WFIKKN1: variants seen among roughly 807,000 people sequenced by gnomAD.
The protein encoded by WFIKKN1 is WAP, Kazal, immunoglobulin, Kunitz and NTR domain-containing protein 1.
In WFIKKN1, 6 loss-of-function variants were observed where a neutral mutation model predicts 4.6. That is an observed-to-expected ratio of 1.31 (90% confidence interval 0.72 to 2.59). WFIKKN1 has a LOEUF of 2.59. WFIKKN1 is among the 30% of genes most tolerant of loss of function. WFIKKN1 has a pLI of 0.00. For synonymous variants in WFIKKN1, 468 were observed against 367.4 expected (o/e 1.27, Z -3.13); for missense variants, 964 against 818.0 (o/e 1.18, Z -2.18).
rs1458547741 is a variant in WFIKKN1, at chr16:633,405, G to A, written c.995G>A (p.Arg332His). The A allele has an allele frequency of 5.1e-6, 8 of 1,557,720 alleles. No homozygotes were observed. Among genetic ancestry groups the A allele is most frequent in the East Asian group, 2.4e-5 (1 of 42,498 alleles). Residue 332 changes from arginine (R) to histidine (H), a missense_variant, in exon 2 of 2, where the codon CGT becomes CAT. Arg to His is a conservative substitution (Grantham distance 29). Coordinates refer to ENST00000319070, the MANE Select transcript of WFIKKN1 (RefSeq NM_053284.3). ...GGCGGCTGCATGACCTTCCCGGCCC[G>A]TGGCTGTGATGGGGCGGCCCGCGGC... is the stretch of plus-strand genomic sequence containing the variant. ...QRGGCMTFPA[R>H]GCDGAARGFE...
In WFIKKN1 at chr16:633,914, G is replaced by A. The variant is rs763295932; in HGVS notation, c.1504G>A (p.Val502Ile). The change falls in exon 2 of 2, where the codon GTC (valine) becomes ATC (isoleucine). Residue 502 changes from valine to isoleucine, a missense_variant. Val to Ile is a conservative substitution (Grantham distance 29). Transcript: ENST00000319070. ...PNMTAGDGPL[V>I]IMGEVRDGVA... ...CATGACGGCGGGCGACGGGCCGCTG[G>A]TCATCATGGGTGAGGTGCGCGATGG... 2 of 1,594,494 alleles carry A rather than the reference G, an allele frequency of 1.3e-6. No homozygotes were observed. The highest frequency in any genetic ancestry group is 1.7e-6 in the Non-Finnish European group (2 of 1,171,518).
rs141905470 is a variant in WFIKKN1 at position 633,901 on chromosome 16, C to T, written c.1491C>T (p.Gly497=). The change falls in exon 2 of 2, where the codon GGC becomes GGT. Residue 497 remains glycine (G), a synonymous_variant. Coordinates refer to ENST00000319070, the MANE Select transcript of WFIKKN1 (RefSeq NM_053284.3). Reference sequence around the variant, plus strand: ...GCCCCTGCCCCAACATGACGGCGGGCGACGGGCCGCTGGTCATCATGGGTG... The same window carrying T: ...GCCCCTGCCCCAACATGACGGCGGGTGACGGGCCGCTGGTCATCATGGGTG... The part of the protein sequence containing the change: ...WACPCPNMTA[G]DGPLVIMGEV... The T allele has an allele frequency of 1.1e-3, 1,771 of 1,592,038 alleles. No homozygotes were observed. The highest frequency in any genetic ancestry group is 1.3e-3 in the Non-Finnish European group (1,494 of 1,170,264).
At position 632,954 on chromosome 16, in the gene WFIKKN1, G is replaced by A. The variant is rs372338381; in HGVS notation, c.544G>A (p.Ala182Thr). The A allele has an allele frequency of 2.2e-5, 35 of 1,562,504 alleles. No individual in the cohort carries two copies. The highest frequency in any genetic ancestry group is 9.1e-5 in the East Asian group (4 of 43,878). ...ETTARPTPGAAPVPPALYSSP... is the reference protein window; with the variant it reads ...ETTARPTPGATPVPPALYSSP... ...CACTGCCCGCCCCACACCTGGGGCC[G>A]CGCCCGTGCCTCCTGCCCTGTACAG... Residue 182 changes from alanine (A) to threonine (T), a missense_variant, in exon 2 of 2, where the codon GCG (alanine) becomes ACG (threonine). Transcript: ENST00000319070.
In WFIKKN1 at chr16:633,497, G is replaced by C. The variant is rs1298568015; in HGVS notation, c.1087G>C (p.Ala363Pro). Reference protein sequence around the residue: ...RGPGDACVLPAVQGPCRGWEP... With the variant: ...RGPGDACVLPPVQGPCRGWEP... ...CCCCGGCGACGCCTGCGTGCTGCCT[G>C]CCGTGCAGGGCCCCTGCCGGGGCTG... Residue 363 changes from alanine (A) to proline (P), a missense_variant, in exon 2 of 2, where the codon GCC (alanine) becomes CCC (proline). Transcript: ENST00000319070. The C allele has an allele frequency of 4.6e-6, 7 of 1,506,960 alleles. No homozygotes were observed. The African/African-American group carries it at 1.0e-4, about 22-fold the overall frequency. 93.3% of individuals were successfully genotyped at this position (1,506,960 alleles called of 1,614,324 possible).
At position 633,878 on chromosome 16, in the gene WFIKKN1, C is replaced by A. The variant is rs781003010; in HGVS notation, c.1468C>A (p.Pro490Thr). 11 of 1,595,914 alleles carry A rather than the reference C, an allele frequency of 6.9e-6. No homozygotes were observed. In the Admixed American group the frequency reaches 1.6e-4, roughly 23 times the overall value. The change falls in exon 2 of 2, where the codon CCC (proline) becomes ACC (threonine). Residue 490 changes from proline to threonine, a missense_variant. Transcript: ENST00000319070. ...VTLSGMDWACPCPNMTAGDGP... is the reference protein window; with the variant it reads ...VTLSGMDWACTCPNMTAGDGP... ...GCTGAGTGGCATGGACTGGGCCTGC[C>A]CCTGCCCCAACATGACGGCGGGCGA... is the stretch of plus-strand genomic sequence containing the variant.
chr16:631,739 CCTT>C (rs1183658720), intron 1 of WFIKKN1: 25,514 of 134,076 alleles, frequency 0.19, 5,308 homozygotes, highest in East Asian at 0.42. Flanking sequence ...TTCTCCCACC[CCTT>C]CACTGCCTCT....
Position 633,298 on chromosome 16 carries a change from G to A in WFIKKN1, c.888G>A (p.Pro296=), listed in dbSNP as rs755179168. The change falls in exon 2 of 2, where the codon CCG becomes CCA. Residue 296 remains proline (P), a synonymous_variant. Coordinates refer to ENST00000319070, the MANE Select transcript of WFIKKN1 (RefSeq NM_053284.3). The part of the protein sequence containing the change: ...ARDAAPSIPA[P]AECLPDVQAC... ...ACGCAGCCCCCAGCATCCCAGCCCC[G>A]GCCGAGTGCCTGCCGGATGTGCAGG... is the stretch of plus-strand genomic sequence containing the variant. The A allele has an allele frequency of 1.8e-5, 28 of 1,591,020 alleles. No individual in the cohort carries two copies. Among genetic ancestry groups the A allele is most frequent in the African/African-American group, 4.0e-5 (3 of 74,250 alleles).
Position 633,543 on chromosome 16 carries a change from G to T in WFIKKN1, c.1133G>T (p.Ser378Ile). ...GGCTGGGAGCCGCGCTGGGCCTACA[G>T]CCCGCTGCTGCAGCAGTGCCATCCC... ...CRGWEPRWAY[S>I]PLLQQCHPFV... Residue 378 changes from serine (S) to isoleucine (I), a missense_variant, in exon 2 of 2, where the codon AGC becomes ATC. By Grantham distance (142) the Ser-to-Ile change is moderately radical (BLOSUM62 -2). Transcript: ENST00000319070. 1 of 1,532,832 alleles carries T rather than the reference G, an allele frequency of 6.5e-7. No homozygotes were observed. Among genetic ancestry groups the T allele is most frequent in the Non-Finnish European group, 8.7e-7 (1 of 1,148,344 alleles). 95.0% of individuals were successfully genotyped at this position (1,532,832 alleles called of 1,614,324 possible).
At chr16:632,492 ACC>A in intron 1 of WFIKKN1, 88 bp from the exon 2 acceptor site, 1 of 1,378,370 alleles carries the variant, frequency 7.3e-7, no homozygotes, top group Non-Finnish European at 9.4e-7. Context: ...GCTCCCTGCT[ACC>A]CCACCTGGGC....
At position 633,096 on chromosome 16, in the gene WFIKKN1, TG is replaced by T. The variant is rs1567199079; in HGVS notation, c.687del (p.Ile230SerfsTer98). On this transcript the variant is annotated frameshift_variant, in exon 2 of 2. Transcript: ENST00000319070. LOFTEE classifies it low-confidence loss of function (END_TRUNC). ...WEKQSHQRENLIMRPDQMYGN... is the reference protein window; with the variant it reads ...WEKQSHQRENXIMRPDQMYGN... ...AAGCAGAGTCACCAGCGAGAGAACC[TG>T]ATCATGCGCCCTGATCAGATGTATG... The T allele has an allele frequency of 6.2e-7, 1 of 1,612,134 alleles. No homozygotes were observed. The highest frequency in any genetic ancestry group is 8.5e-7 in the Non-Finnish European group (1 of 1,179,554).
chr16:633,503 C>CA lies in WFIKKN1; in HGVS notation c.1094dup (p.Cys368LeufsTer99). 6.6e-7 allele frequency: 1 copy of CA among 1,511,278 alleles called. No homozygotes were observed. The highest frequency in any genetic ancestry group is 8.8e-7 in the Non-Finnish European group (1 of 1,139,582). 93.6% of individuals were successfully genotyped at this position (1,511,278 alleles called of 1,614,324 possible). On this transcript the variant is annotated frameshift_variant, in exon 2 of 2. Transcript: ENST00000319070. LOFTEE classifies it low-confidence loss of function (END_TRUNC). ...CGACGCCTGCGTGCTGCCTGCCGTGCAGGGCCCCTGCCGGGGCTGGGAGCC... is the reference window on the plus strand; with the variant it reads ...CGACGCCTGCGTGCTGCCTGCCGTGCAAGGGCCCCTGCCGGGGCTGGGAGCC...
chr16:633,915 T>G lies in WFIKKN1; in HGVS notation c.1505T>G (p.Val502Gly). The G allele has an allele frequency of 6.3e-7, 1 of 1,594,488 alleles. No homozygotes were observed. Among genetic ancestry groups the G allele is most frequent in the Non-Finnish European group, 8.5e-7 (1 of 1,171,506 alleles). ...ATGACGGCGGGCGACGGGCCGCTGG[T>G]CATCATGGGTGAGGTGCGCGATGGC... is the stretch of plus-strand genomic sequence containing the variant. The part of the protein sequence containing the change: ...PNMTAGDGPL[V>G]IMGEVRDGVA... Residue 502 changes from valine to glycine, a missense_variant, in exon 2 of 2, where the codon GTC becomes GGC. By Grantham distance (109) the Val-to-Gly change is moderately radical (BLOSUM62 -3). Coordinates refer to ENST00000319070, the MANE Select transcript of WFIKKN1 (RefSeq NM_053284.3).
At position 633,983 on chromosome 16, in the gene WFIKKN1, G is replaced by A. The variant is rs370746314; in HGVS notation, c.1573G>A (p.Glu525Lys). 16 of 1,602,054 alleles carry A rather than the reference G, an allele frequency of 1.0e-5. No individual in the cohort carries two copies. Among genetic ancestry groups the A allele is most frequent in the Admixed American group, 1.7e-5 (1 of 59,068 alleles). ...DAGSYVRAAS[E>K]KRVKKILELL... is the part of the protein sequence containing the mutation. ...CGGCAGCTACGTCCGCGCCGCCAGC[G>A]AGAAGCGCGTCAAGAAGATCTTGGA... The change falls in exon 2 of 2, where the codon GAG (glutamate) becomes AAG (lysine). Residue 525 changes from glutamate (E) to lysine (K), a missense_variant. Transcript: ENST00000319070.
At position 633,079 on chromosome 16, in the gene WFIKKN1, T is replaced by A. The variant is rs201160815; in HGVS notation, c.669T>A (p.Ser223Arg). ...PPPAVTWEKQ[S>R]HQRENLIMRP... ...CTGCTGTGACCTGGGAGAAGCAGAGTCACCAGCGAGAGAACCTGATCATGC... is the reference window on the plus strand; with the variant it reads ...CTGCTGTGACCTGGGAGAAGCAGAGACACCAGCGAGAGAACCTGATCATGC... The change falls in exon 2 of 2, where the codon AGT (serine) becomes AGA (arginine). Residue 223 changes from serine to arginine, a missense_variant. Physicochemically the swap from Ser to Arg is moderately radical, Grantham distance 110. Transcript: ENST00000319070. 25 of 1,611,858 alleles carry A rather than the reference T, an allele frequency of 1.6e-5. No individual in the cohort carries two copies. The highest frequency in any genetic ancestry group is 2.1e-5 in the Non-Finnish European group (25 of 1,179,502).
rs1383744970 is a variant in WFIKKN1, at chr16:633,227, C to G, written c.817C>G (p.Arg273Gly). ...CGCGCGCAACGCTGCTGGGCTGCTGCGGGCTGACTTCCCACTCTCTGTGGT... is the reference window on the plus strand; with the variant it reads ...CGCGCGCAACGCTGCTGGGCTGCTGGGGGCTGACTTCCCACTCTCTGTGGT... ...CTARNAAGLL[R>G]ADFPLSVVQR... is the part of the protein sequence containing the mutation. Residue 273 changes from arginine to glycine, a missense_variant, in exon 2 of 2, where the codon CGG becomes GGG. By Grantham distance (125) the Arg-to-Gly change is moderately radical (BLOSUM62 -2). Transcript: ENST00000319070. 6.3e-7 allele frequency: 1 copy of G among 1,586,138 alleles called. No individual in the cohort carries two copies. Among genetic ancestry groups the G allele is most frequent in the Non-Finnish European group, 8.6e-7 (1 of 1,167,048 alleles).
At position 632,780 on chromosome 16, in the gene WFIKKN1, C is replaced by A; in HGVS notation, c.370C>A (p.Pro124Thr). Residue 124 changes from proline to threonine, a missense_variant, in exon 2 of 2, where the codon CCC (proline) becomes ACC (threonine). Pro to Thr is a conservative substitution (Grantham distance 38). Coordinates refer to ENST00000319070, the MANE Select transcript of WFIKKN1 (RefSeq NM_053284.3). ...CRCRDRCEKE[P>T]SFTCASDGLT... ...CTGCCGCGACCGCTGTGAGAAGGAG[C>A]CCAGCTTCACCTGCGCCTCGGACGG... 1 of 1,604,138 alleles carries A rather than the reference C, an allele frequency of 6.2e-7. No homozygotes were observed. The highest frequency in any genetic ancestry group is 8.5e-7 in the Non-Finnish European group (1 of 1,175,360).
Position 633,177 on chromosome 16 carries a change from A to G in WFIKKN1, c.767A>G (p.Glu256Gly). 3.1e-6 allele frequency: 5 copies of G among 1,595,686 alleles called. No individual in the cohort carries two copies. Among genetic ancestry groups the G allele is most frequent in the East Asian group, 2.3e-5 (1 of 44,238 alleles). The change falls in exon 2 of 2, where the codon GAA (glutamate) becomes GGA (glycine). Residue 256 changes from glutamate (E) to glycine (G), a missense_variant. Physicochemically the swap from Glu to Gly is moderately conservative, Grantham distance 98. Coordinates refer to ENST00000319070, the MANE Select transcript of WFIKKN1 (RefSeq NM_053284.3). ...CTGGTGCTCTACAACGCGCGGCCCG[A>G]AGACGCCGGCCTGTACACCTGCACC... ...GQLVLYNARP[E>G]DAGLYTCTAR...
intron 1 of WFIKKN1, 164 bp downstream of exon 1, chr16:631,588 T>A: frequency 1.9e-6 from 1 of 532,568 alleles, no homozygotes; most frequent in Non-Finnish European, 2.7e-6. Context: ...TCATTTGTCT[T>A]AAGAATAAGA....
chr16:632,408 C>G, intron 1 of WFIKKN1, 174 bp from the exon 2 acceptor site: 1 of 716,730 alleles, frequency 1.4e-6, no homozygotes, highest in Non-Finnish European at 2.1e-6. Flanking sequence ...CCAGGTGGCA[C>G]CTCTGGCGAG....
Sources: gnomAD v4.1 joint callset for allele counts on GRCh38, gnomAD v4.1.1 for gene constraint, MANE v1.5 for transcripts, NCBI Gene and HGNC (gene_info 2026-07-23, HGNC 2026-07-21) for gene names.